NOS1AP: variants seen among roughly 807,000 people sequenced by gnomAD.
NOS1AP encodes nitric oxide synthase 1 adaptor protein.
In NOS1AP, 21 loss-of-function variants were observed where a neutral mutation model predicts 56.2. The observed-to-expected ratio is 0.37, with a 90% CI of 0.26 to 0.54. NOS1AP has a LOEUF of 0.54. NOS1AP is among the 20% of genes least tolerant of loss of function. The pLI, the probability that NOS1AP is intolerant of heterozygous loss-of-function variation, is 0.84. For synonymous variants in NOS1AP, 270 were observed against 274.6 expected (o/e 0.98, Z 0.17); for missense variants, 522 against 657.8 (o/e 0.79, Z 2.26).
chr1:162,211,913 C>T (rs757383554), intron 2 of NOS1AP, among the ~76,000 whole-genome samples: 2 of 152,156 alleles, frequency 1.3e-5, no homozygotes, highest in South Asian at 2.1e-4. Context: ...AGCTTCCCCC[C>T]ACAAAAGAAG....
chr1:162,226,682 T>C (rs1652949698), intron 2 of NOS1AP, among the ~76,000 whole-genome samples: 1 of 152,224 alleles, frequency 6.6e-6, no homozygotes, highest in South Asian at 2.1e-4. Flanking sequence ...TTTTTCTGAA[T>C]ATTTACTTTC....
intron 2 of NOS1AP, among the ~76,000 whole-genome samples, chr1:162,159,688 A>G (rs1257954470): frequency 6.6e-6 from 1 of 152,134 alleles, no homozygotes; most frequent in African/African-American, 2.4e-5. Flanking sequence ...AACATTTGGC[A>G]TGGTGCCCAT....
intron 5 of NOS1AP, among the ~76,000 whole-genome samples, chr1:162,334,794 T>C (rs1656885541): frequency 6.6e-6 from 1 of 152,202 alleles, no homozygotes; most frequent in African/African-American, 2.4e-5. Flanking sequence ...AGGTAAGACA[T>C]GTAACTTTCA....
intron 2 of NOS1AP, among the ~76,000 whole-genome samples, chr1:162,199,488 G>A (rs568808800): frequency 1.3e-5 from 2 of 152,314 alleles, no homozygotes; most frequent in South Asian, 4.1e-4. Context: ...GTAGAGGTAT[G>A]TGTTATCATG....
chr1:162,314,340 A>G (rs1170281489), intron 4 of NOS1AP, among the ~76,000 whole-genome samples: 1 of 152,208 alleles, frequency 6.6e-6, no homozygotes, highest in Non-Finnish European at 1.5e-5. Flanking sequence ...TGGAAAATTA[A>G]ATTAGGCCAC....
intron 2 of NOS1AP, among the ~76,000 whole-genome samples, chr1:162,181,860 T>C (rs947270088): frequency 1.1e-4 from 16 of 152,338 alleles, no homozygotes; most frequent in Admixed American, 6.5e-4. Flanking sequence ...CCACTGAGTA[T>C]GGTCTGAGTT....
At chr1:162,289,576 G>A (rs1443531506) in intron 3 of NOS1AP, among the ~76,000 whole-genome samples, 1 of 136,696 alleles carries the variant, frequency 7.3e-6, no homozygotes, top group Admixed American at 7.9e-5. Context: ...CCGGGTTCAC[G>A]CCATTCTCCT....
chr1:162,323,905 C>A (rs114752579), intron 4 of NOS1AP, among the ~76,000 whole-genome samples: 27 of 152,126 alleles, frequency 1.8e-4, no homozygotes, highest in Non-Finnish European at 1.5e-5. Context: ...AGGAAGGGTG[C>A]GAACCTTTGT....
At chr1:162,172,829 A>G (rs1650860876) in intron 2 of NOS1AP, among the ~76,000 whole-genome samples, 1 of 152,132 alleles carries the variant, frequency 6.6e-6, no homozygotes, top group African/African-American at 2.4e-5. Context: ...TGATGTTGAG[A>G]CTGAGCCTTG....
chr1:162,244,403 C>G (rs1653591434), intron 2 of NOS1AP, among the ~76,000 whole-genome samples: 1 of 152,092 alleles, frequency 6.6e-6, no homozygotes, highest in South Asian at 2.1e-4. Flanking sequence ...CAGGACTGCT[C>G]CAAGTTCTAT....
chr1:162,184,293 A>G (rs992443848), intron 2 of NOS1AP, among the ~76,000 whole-genome samples: 26 of 152,218 alleles, frequency 1.7e-4, no homozygotes, highest in Non-Finnish European at 2.8e-4. Context: ...TAGTAACAAT[A>G]ACGATCACTA....
At chr1:162,242,266 G>C (rs916722706) in intron 2 of NOS1AP, among the ~76,000 whole-genome samples, 1 of 152,176 alleles carries the variant, frequency 6.6e-6, no homozygotes, top group Non-Finnish European at 1.5e-5. Context: ...TTGAAAGATG[G>C]AGTTTGTGAC....
At chr1:162,126,730 A>G (rs1571037862) in intron 1 of NOS1AP, among the ~76,000 whole-genome samples, 1 of 152,174 alleles carries the variant, frequency 6.6e-6, no homozygotes, top group Admixed American at 6.5e-5. Context: ...TACTGTCACA[A>G]TATCCATATG....
chr1:162,092,579 T>C (rs1445283261), intron 1 of NOS1AP, among the ~76,000 whole-genome samples: 2 of 152,250 alleles, frequency 1.3e-5, no homozygotes, highest in African/African-American at 2.4e-5. Context: ...CTCAGTGGTC[T>C]TTTTGTTTCT....
chr1:162,230,594 C>T (rs943283088), intron 2 of NOS1AP, among the ~76,000 whole-genome samples: 4 of 152,174 alleles, frequency 2.6e-5, no homozygotes, highest in East Asian at 1.9e-4. Context: ...AACCAAACTT[C>T]GAAACTTTTT....
chr1:162,253,890 A>G (rs1653942493), intron 2 of NOS1AP, among the ~76,000 whole-genome samples: 1 of 152,184 alleles, frequency 6.6e-6, no homozygotes, highest in Admixed American at 6.5e-5. Flanking sequence ...GAAAATAAGA[A>G]GCAGGCGTAT....
At chr1:162,277,566 A>G (rs1005379877) in intron 2 of NOS1AP, among the ~76,000 whole-genome samples, 2 of 152,206 alleles carry the variant, frequency 1.3e-5, no homozygotes, top group Admixed American at 1.3e-4. Context: ...CTTGCTCATC[A>G]TGTTAGAAAG....
chr1:162,311,184 ACC>A (rs879734793), intron 4 of NOS1AP, among the ~76,000 whole-genome samples: 3 of 151,568 alleles, frequency 2.0e-5, no homozygotes, highest in African/African-American at 7.3e-5. Flanking sequence ...CTCCACATTT[ACC>A]CTTGCATTCC....
chr1:162,221,273 G>A (rs1257774237), intron 2 of NOS1AP, among the ~76,000 whole-genome samples: 1 of 152,132 alleles, frequency 6.6e-6, no homozygotes, highest in Non-Finnish European at 1.5e-5. Flanking sequence ...TTGAAGTGGT[G>A]GTTAAGCTGA....
Sources: gnomAD v4.1 joint callset for allele counts (sites outside exome capture counted in the v4.1 genomes callset) on GRCh38, gnomAD v4.1.1 for gene constraint, MANE v1.5 for transcripts, NCBI Gene and HGNC (gene_info 2026-07-23, HGNC 2026-07-21) for gene names.